Variants in PXDNL observed in about 807,000 individuals in gnomAD.
The protein encoded by PXDNL is probable oxidoreductase PXDNL.
Under a neutral mutation model 150.8 loss-of-function variants are expected in PXDNL, and 145 were observed. The ratio of observed to expected loss-of-function variants is 0.96; its 90% CI spans 0.84 to 1.10. The LOEUF (loss-of-function observed/expected upper bound fraction) is 1.10, where lower values mean the gene tolerates loss of function less well. Among genes scored for constraint, PXDNL ranks in the 50% least tolerant of loss-of-function variants. The probability of loss-of-function intolerance (pLI) is 0.00; values close to 1 mark genes in which losing one functional copy is unlikely to be tolerated. For missense variants in PXDNL, 2,087 were observed against 1,873.9 expected (o/e 1.11, Z -2.10); for synonymous variants, 757 against 725.7 (o/e 1.04, Z -0.69).
chr8:51,616,870 T>C (rs1814141368), intron 2 of PXDNL, among the ~76,000 whole-genome samples: 1 of 152,202 alleles, frequency 6.6e-6, no homozygotes, highest in Non-Finnish European at 1.5e-5. Flanking sequence ...CATCTCTAGA[T>C]TGCTTATAAT....
chr8:51,730,834 A>G (rs1424485865), intron 1 of PXDNL, among the ~76,000 whole-genome samples: 1 of 152,164 alleles, frequency 6.6e-6, no homozygotes, highest in Non-Finnish European at 1.5e-5. Context: ...CATATGCAGA[A>G]CTGCCCTTTA....
intron 10 of PXDNL, among the ~76,000 whole-genome samples, chr8:51,452,248 T>C (rs1431635): frequency 0.95 from 144,594 of 152,308 alleles, 68,761 homozygotes; most frequent in Non-Finnish European, 0.98. Flanking sequence ...TCTTTGAAGG[T>C]ATTTTTCAAT....
chr8:51,621,576 T>C (rs1336349921), intron 2 of PXDNL, among the ~76,000 whole-genome samples: 2 of 151,924 alleles, frequency 1.3e-5, no homozygotes, highest in African/African-American at 4.8e-5. Context: ...CCAGGATCTA[T>C]TCCTCAAGAA....
At chr8:51,322,868 C>T (rs1235347388) in intron 21 of PXDNL, among the ~76,000 whole-genome samples, 6 of 152,174 alleles carry the variant, frequency 3.9e-5, no homozygotes, top group Non-Finnish European at 8.8e-5. Flanking sequence ...GGCATCCACC[C>T]ATTCATTACT....
intron 1 of PXDNL, among the ~76,000 whole-genome samples, chr8:51,742,684 G>A (rs2036918799): frequency 6.6e-6 from 1 of 151,468 alleles, no homozygotes; most frequent in Non-Finnish European, 1.5e-5. Flanking sequence ...ACATATAAAT[G>A]TATATATATC....
chr8:51,745,373 A>G (rs913887011), intron 1 of PXDNL, among the ~76,000 whole-genome samples: 2 of 152,334 alleles, frequency 1.3e-5, no homozygotes, highest in South Asian at 2.1e-4. Context: ...CAAACAAATA[A>G]CAACAAAAAT....
chr8:51,327,293 A>T (rs574918353), intron 21 of PXDNL, among the ~76,000 whole-genome samples: 1 of 152,332 alleles, frequency 6.6e-6, no homozygotes, highest in East Asian at 1.9e-4. Context: ...AAGCCGCTGT[A>T]TAAAACGCCA....
At chr8:51,744,961 A>G (rs376614650) in intron 1 of PXDNL, among the ~76,000 whole-genome samples, 105,436 of 130,396 alleles carry the variant, frequency 0.81, 41,216 homozygotes, top group East Asian at 0.9. Flanking sequence ...AGAAAGAAAG[A>G]AAGAAAGAAA....
chr8:51,761,542 G>A (rs2037166561), intron 1 of PXDNL, among the ~76,000 whole-genome samples: 1 of 152,132 alleles, frequency 6.6e-6, no homozygotes, highest in African/African-American at 2.4e-5. Context: ...ATACAAACAT[G>A]TATAATATGC....
intron 3 of PXDNL, among the ~76,000 whole-genome samples, chr8:51,576,459 A>G (rs550874798): frequency 1.3e-5 from 2 of 151,928 alleles, no homozygotes; most frequent in Non-Finnish European, 2.9e-5. Context: ...AGAGCTAAAA[A>G]AAAATCGGAC....
At chr8:51,786,042 ACCAACCATC>A (rs2037457575) in intron 1 of PXDNL, among the ~76,000 whole-genome samples, 2 of 152,142 alleles carry the variant, frequency 1.3e-5, no homozygotes, top group Admixed American at 1.3e-4. Context: ...AGAAGACTCC[ACCAACCATC>A]CCCGCTTCAA....
chr8:51,370,573 A>T (rs1173231083), intron 19 of PXDNL, among the ~76,000 whole-genome samples: 1 of 152,202 alleles, frequency 6.6e-6, no homozygotes, highest in Non-Finnish European at 1.5e-5. Flanking sequence ...GCTGTGTCCG[A>T]TAAAGCACCA....
rs1808828379 is a variant in PXDNL at position 51,417,441 on chromosome 8, A to C, written c.1796-4183T>G. ...GGGAGCTTAGGCCACGTGGCCACTC[A>C]CTGCTCTGCATGAAAGGCCTGGCTC... On this transcript the variant is annotated intron_variant, in intron 14 of 22. Coordinates refer to ENST00000356297, the MANE Select transcript of PXDNL (RefSeq NM_144651.5). 2.0e-5 allele frequency among the ~76,000 whole-genome samples: 3 copies of C among 152,274 alleles called. No homozygotes were observed. The South Asian group carries it at 6.2e-4, about 32-fold the overall frequency.
chr8:51,358,454 C>G (rs1403595571), intron 19 of PXDNL, among the ~76,000 whole-genome samples: 1 of 152,186 alleles, frequency 6.6e-6, no homozygotes, highest in African/African-American at 2.4e-5. Flanking sequence ...TCGGTACATT[C>G]CTGGCCCCCA....
chr8:51,548,538 T>G (rs1324824245), intron 4 of PXDNL, among the ~76,000 whole-genome samples: 4 of 152,140 alleles, frequency 2.6e-5, no homozygotes, highest in Non-Finnish European at 5.9e-5. Flanking sequence ...ATCTTTAGCC[T>G]CCTTAAACAA....
intron 2 of PXDNL, among the ~76,000 whole-genome samples, chr8:51,641,558 C>T (rs1331661604): frequency 2.6e-5 from 4 of 152,052 alleles, no homozygotes; most frequent in Admixed American, 2.6e-4. Flanking sequence ...CATGAACAGA[C>T]ACTTCTCAAA....
chr8:51,623,448 C>T (rs1288297058), intron 2 of PXDNL, among the ~76,000 whole-genome samples: 5 of 152,240 alleles, frequency 3.3e-5, no homozygotes, highest in Non-Finnish European at 7.3e-5. Flanking sequence ...TCTGTTGCTC[C>T]AGGCTGTTTC....
intron 4 of PXDNL, among the ~76,000 whole-genome samples, chr8:51,507,213 T>C (rs1166747213): frequency 1.3e-5 from 2 of 152,172 alleles, no homozygotes; most frequent in Non-Finnish European, 2.9e-5. Context: ...ATGCAAGGAA[T>C]ACCATGAGAA....
At chr8:51,727,458 G>A (rs1359690414) in intron 1 of PXDNL, among the ~76,000 whole-genome samples, 3 of 152,172 alleles carry the variant, frequency 2.0e-5, no homozygotes, top group African/African-American at 7.2e-5. Flanking sequence ...TCATGGCAAT[G>A]CTGGTGTTTA....
Sources: allele counts gnomAD v4.1 joint callset (sites outside exome capture counted in the v4.1 genomes callset), GRCh38; gene constraint gnomAD v4.1.1; transcripts MANE v1.5; gene names NCBI Gene and HGNC (gene_info 2026-07-23, HGNC 2026-07-21).